The following SLC7A5 variants were observed in gnomAD, a reference collection of about 807,000 sequenced individuals.
The protein encoded by SLC7A5 is solute carrier family 7 member 5.
In SLC7A5, 23 loss-of-function variants were observed where a neutral mutation model predicts 50.2. The ratio of observed to expected loss-of-function variants is 0.46; its 90% CI spans 0.33 to 0.65. The LOEUF (loss-of-function observed/expected upper bound fraction) is 0.65, where lower values mean the gene tolerates loss of function less well. SLC7A5 is among the 30% of genes least tolerant of loss of function. The pLI, the probability that SLC7A5 is intolerant of heterozygous loss-of-function variation, is 0.02. For missense variants in SLC7A5, 578 were observed against 684.4 expected (o/e 0.84, Z 1.73); for synonymous variants, 393 against 330.6 (o/e 1.19, Z -2.05).
intron 1 of SLC7A5, among the ~76,000 whole-genome samples, chr16:87,866,939 CT>C (rs1171244210): frequency 2.3e-3 from 326 of 144,732 alleles, no homozygotes; most frequent in Middle Eastern, 3.7e-3. Flanking sequence ...CCAGGGGCTG[CT>C]TTTTTTTTTT....
In SLC7A5 at chr16:87,838,730, G is replaced by T; in HGVS notation, c.1027C>A (p.Leu343Met). The T allele has an allele frequency of 6.2e-7, 1 of 1,613,826 alleles. No individual in the cohort carries two copies. The highest frequency in any genetic ancestry group is 8.5e-7 in the Non-Finnish European group (1 of 1,179,850). ...LSCFGSVNGS[L>M]FTSSRLFFVG... ...TGTGCTCACCTGGAGGATGTGAACA[G>T]GGACCCATTGACGGAGCCGAAGCAG... The change falls in exon 6 of 10, where the codon CTG becomes ATG. Residue 343 changes from leucine to methionine, a missense_variant. Around this residue, in one of 2 missense-constraint regions of SLC7A5, gnomAD observed 465 missense variants for 594.6 expected, o/e 0.78. Transcript: ENST00000261622.
intron 1 of SLC7A5, among the ~76,000 whole-genome samples, chr16:87,865,042 C>T (rs931861695): frequency 3.3e-5 from 5 of 152,172 alleles, no homozygotes; most frequent in Admixed American, 3.3e-4. Flanking sequence ...AATATCTTTC[C>T]CACCAGAATG....
chr16:87,839,924 C>T, intron 4 of SLC7A5, 99 bp from the exon 5 acceptor site: 1 of 1,508,278 alleles, frequency 6.6e-7, no homozygotes, highest in Non-Finnish European at 9.1e-7. Flanking sequence ...GCAGTAGCTC[C>T]AGCCTCTGTG....
At position 87,840,457 on chromosome 16, in the gene SLC7A5, C is replaced by G. The variant is rs754582725; in HGVS notation, c.787G>C (p.Val263Leu). 1 of 1,611,806 alleles carries G rather than the reference C, an allele frequency of 6.2e-7. No individual in the cohort carries two copies. Among genetic ancestry groups the G allele is most frequent in the Non-Finnish European group, 8.5e-7 (1 of 1,178,032 alleles). Residue 263 changes from valine (V) to leucine (L), a missense_variant, in exon 4 of 10, where the codon GTC becomes CTC. By Grantham distance (32) the Val-to-Leu change is conservative (BLOSUM62 1). Coordinates refer to ENST00000261622, the MANE Select transcript of SLC7A5 (RefSeq NM_003486.7). ...TAGGGGTTGATCATTTCCTCTGTGA[C>G]GAAATTCAAGTAATTCCTAAAATTT... ...AYGGWNYLNFVTEEMINPYRN... is the reference protein window; with the variant it reads ...AYGGWNYLNFLTEEMINPYRN...
intron 1 of SLC7A5, among the ~76,000 whole-genome samples, chr16:87,854,808 C>T (rs2055294259): frequency 6.6e-6 from 1 of 152,266 alleles, no homozygotes; most frequent in African/African-American, 2.4e-5. Flanking sequence ...ACCTGGCTGC[C>T]TCCCACCTGG....
At chr16:87,851,631 G>A in intron 2 of SLC7A5, 93 bp downstream of exon 2, 1 of 1,490,166 alleles carries the variant, frequency 6.7e-7, no homozygotes, top group Non-Finnish European at 9.2e-7. Flanking sequence ...GCTGCGGACT[G>A]GGAGGCACCC....
intron 1 of SLC7A5, among the ~76,000 whole-genome samples, chr16:87,857,339 C>T (rs2058149335): frequency 6.6e-6 from 1 of 152,174 alleles, no homozygotes; most frequent in Admixed American, 6.5e-5. Flanking sequence ...TCTCTCACAT[C>T]TACCTCCCGA....
chr16:87,866,110 T>A (rs4843273), intron 1 of SLC7A5, among the ~76,000 whole-genome samples: 2 of 150,876 alleles, frequency 1.3e-5, no homozygotes, highest in Non-Finnish European at 3.0e-5. Context: ...GGGGCGGGGG[T>A]GCGGTGAGCA....
At chr16:87,865,781 C>T (rs534120209) in intron 1 of SLC7A5, among the ~76,000 whole-genome samples, 30 of 152,208 alleles carry the variant, frequency 2.0e-4, no homozygotes, top group African/African-American at 6.7e-4. Context: ...TCCAGGAACG[C>T]GTGACTTGGT....
chr16:87,865,197 C>G (rs545699138), intron 1 of SLC7A5, among the ~76,000 whole-genome samples: 1 of 145,060 alleles, frequency 6.9e-6, no homozygotes, highest in Non-Finnish European at 1.5e-5. Flanking sequence ...AATCACTTTC[C>G]AAAAAAAAAA....
At position 87,853,360 on chromosome 16, in the gene SLC7A5, G is replaced by C. The variant is rs1174066435; in HGVS notation, c.539-1511C>G. 1.3e-5 allele frequency among the ~76,000 whole-genome samples: 2 copies of C among 152,208 alleles called. No individual in the cohort carries two copies. Among genetic ancestry groups the C allele is most frequent in the Non-Finnish European group, 2.9e-5 (2 of 68,024 alleles). ...TTCTGTGGATGCCAGAGCGGAGACG[G>C]CTACTACACACCAGGAAAGTCTGGT... is the stretch of plus-strand genomic sequence containing the variant. On this transcript the variant is annotated intron_variant, in intron 1 of 9. Coordinates refer to ENST00000261622, the MANE Select transcript of SLC7A5 (RefSeq NM_003486.7). The surrounding 1 kb of genome is among the most constrained non-coding windows in gnomAD (Gnocchi z 4.4).
intron 1 of SLC7A5, among the ~76,000 whole-genome samples, chr16:87,856,239 C>A (rs190523789): frequency 6.6e-6 from 1 of 152,238 alleles, no homozygotes; most frequent in Non-Finnish European, 1.5e-5. Flanking sequence ...GTTCCGCGCA[C>A]GGTTTCAGAG....
chr16:87,854,281 T>C lies in SLC7A5; in HGVS notation c.539-2432A>G, dbSNP rs114985490. 4.6e-3 allele frequency among the ~76,000 whole-genome samples: 698 copies of C among 152,292 alleles called. 6 individuals are homozygous for C. The highest frequency in any genetic ancestry group is 0.016 in the African/African-American group (661 of 41,558). On this transcript the variant is annotated intron_variant, in intron 1 of 9. Transcript: ENST00000261622. ...AAATGGCCATAGAACAAAGGGGACC[T>C]TATATTTATTCCTTTTATAACAAGA...
Position 87,839,818 on chromosome 16 carries a change from G to A in SLC7A5, c.823C>T (p.Pro275Ser). 3.1e-6 allele frequency: 5 copies of A among 1,613,782 alleles called. No homozygotes were observed. The highest frequency in any genetic ancestry group is 4.2e-6 in the Non-Finnish European group (5 of 1,179,952). ...GGCAGGGAGATGATGATGGCCAGGG[G>A]CAGGTTTCTGGAAAGAACAGGGACG... is the stretch of plus-strand genomic sequence containing the variant. ...EEMINPYRNLPLAIIISLPIV... is the reference protein window; with the variant it reads ...EEMINPYRNLSLAIIISLPIV... Residue 275 changes from proline (P) to serine (S), a missense_variant, in exon 5 of 10, where the codon CCC (proline) becomes TCC (serine). Physicochemically the swap from Pro to Ser is moderately conservative, Grantham distance 74. Around this residue, in one of 2 missense-constraint regions of SLC7A5, gnomAD observed 465 missense variants for 594.6 expected, o/e 0.78. Transcript: ENST00000261622.
chr16:87,857,091 C>T (rs1414244090), intron 1 of SLC7A5, among the ~76,000 whole-genome samples: 2 of 152,248 alleles, frequency 1.3e-5, no homozygotes, highest in African/African-American at 4.8e-5. Context: ...GGCTGGAATG[C>T]CAAGCCTGCC....
intron 7 of SLC7A5, chr16:87,837,497 G>A (rs1005703242): frequency 7.7e-5 from 24 of 310,148 alleles, no homozygotes; most frequent in East Asian, 2.6e-4. Flanking sequence ...TGCAGGAGAA[G>A]CGGAAGGAAA....
chr16:87,868,949 C>T lies in SLC7A5; in HGVS notation c.474G>A (p.Lys158=), dbSNP rs776121468. The T allele has an allele frequency of 1.9e-6, 3 of 1,609,952 alleles. No individual in the cohort carries two copies. Among genetic ancestry groups the T allele is most frequent in the African/African-American group, 1.3e-5 (1 of 74,834 alleles). ...GCACCGGGCAGGTGGGGAAGAGCGGCTTGAGCAGGTAGGTGGCGAAGACCA... is the reference window on the plus strand; with the variant it reads ...GCACCGGGCAGGTGGGGAAGAGCGGTTTGAGCAGGTAGGTGGCGAAGACCA... The part of the protein sequence containing the change: ...VALVFATYLL[K]PLFPTCPVPE... Residue 158 remains lysine (K), a synonymous_variant, in exon 1 of 10, where the codon AAG becomes AAA. Transcript: ENST00000261622.
intron 1 of SLC7A5, among the ~76,000 whole-genome samples, chr16:87,859,578 G>A (rs1439503413): frequency 6.6e-6 from 1 of 152,154 alleles, no homozygotes; most frequent in Non-Finnish European, 1.5e-5. Context: ...TGGGAAGAGG[G>A]GGTCACACAG....
intron 1 of SLC7A5, among the ~76,000 whole-genome samples, chr16:87,856,279 G>A (rs550587216): frequency 6.6e-5 from 10 of 152,240 alleles, no homozygotes; most frequent in Non-Finnish European, 1.2e-4. Context: ...CTGGGGCTGG[G>A]GCAGAGATGG....
Sources: gnomAD v4.1 joint callset for allele counts (sites outside exome capture counted in the v4.1 genomes callset) on GRCh38, gnomAD v4.1.1 for gene constraint, gnomAD v4.1.1 regional missense constraint, Gnocchi (gnomAD v3.1) non-coding constraint, MANE v1.5 for transcripts, NCBI Gene and HGNC (gene_info 2026-07-23, HGNC 2026-07-21) for gene names.